Variants in TOP6BL observed in about 807,000 individuals in gnomAD.
TOP6BL encodes type 2 DNA topoisomerase 6 subunit B-like.
chr11:66,842,229 TCTC>T, the TOP6BL span, among the ~76,000 whole-genome samples: 3 of 152,230 alleles, frequency 2.0e-5, no homozygotes, highest in African/African-American at 7.2e-5. Flanking sequence ...AGCTCAGGTA[TCTC>T]CTCATGGAAA....
At chr11:66,752,672 C>T in the TOP6BL span, among the ~76,000 whole-genome samples, 1 of 151,892 alleles carries the variant, frequency 6.6e-6, no homozygotes, top group African/African-American at 2.4e-5. Flanking sequence ...CGGCTGGTCT[C>T]GAACTCCTGA....
chr11:66,747,028 C>T, the TOP6BL span, among the ~76,000 whole-genome samples: 1 of 152,052 alleles, frequency 6.6e-6, no homozygotes, highest in Non-Finnish European at 1.5e-5. Context: ...CCTCCACCTC[C>T]CGAGTTCAAG....
At chr11:66,751,248 G>A in the TOP6BL span, among the ~76,000 whole-genome samples, 2 of 152,154 alleles carry the variant, frequency 1.3e-5, no homozygotes, top group Non-Finnish European at 2.9e-5. Context: ...TTGGAGTGCA[G>A]TGGCGCCAGG....
the TOP6BL span, among the ~76,000 whole-genome samples, chr11:66,767,997 G>T: frequency 6.6e-6 from 1 of 152,118 alleles, no homozygotes; most frequent in African/African-American, 2.4e-5. Context: ...TCACCATGTT[G>T]CCCAAGCTGG....
chr11:66,768,174 G>C, the TOP6BL span, among the ~76,000 whole-genome samples: 1 of 152,008 alleles, frequency 6.6e-6, no homozygotes, highest in Non-Finnish European at 1.5e-5. Flanking sequence ...ATGGGTTAGA[G>C]AGATTGACAG....
At chr11:66,751,242 A>G in the TOP6BL span, among the ~76,000 whole-genome samples, 2 of 151,986 alleles carry the variant, frequency 1.3e-5, no homozygotes, top group Non-Finnish European at 2.9e-5. Context: ...ACCAGGTTGG[A>G]GTGCAGTGGC....
At chr11:66,838,317 G>A in the TOP6BL span, 3 of 1,533,364 alleles carry the variant, frequency 2.0e-6, no homozygotes, top group East Asian at 2.3e-5. Flanking sequence ...TTTCACTAGG[G>A]CTCGTTCATG....
At chr11:66,832,787 C>T in the TOP6BL span, among the ~76,000 whole-genome samples, 1 of 152,174 alleles carries the variant, frequency 6.6e-6, no homozygotes, top group African/African-American at 2.4e-5. Context: ...GGGATGCTGT[C>T]AGAAATTAAC....
chr11:66,824,420 T>TTTTTTA, the TOP6BL span, among the ~76,000 whole-genome samples: 32 of 140,752 alleles, frequency 2.3e-4, no homozygotes, highest in African/African-American at 5.3e-4. Flanking sequence ...TAATTTTGTA[T>TTTTTTA]TTATTATTAT....
At chr11:66,762,206 G>A in the TOP6BL span, 1 of 669,184 alleles carries the variant, frequency 1.5e-6, no homozygotes. Flanking sequence ...ACCCACAGCC[G>A]GAGGTGCAGG....
the TOP6BL span, among the ~76,000 whole-genome samples, chr11:66,789,279 C>T: frequency 1.3e-5 from 2 of 152,258 alleles, no homozygotes; most frequent in East Asian, 1.9e-4. Flanking sequence ...TTAGAGATCT[C>T]TTTATCGACT....
the TOP6BL span, among the ~76,000 whole-genome samples, chr11:66,818,024 G>A: frequency 3.9e-5 from 6 of 152,120 alleles, no homozygotes; most frequent in East Asian, 5.8e-4. Flanking sequence ...GGAAAGGTTC[G>A]TAAGCCTCCC....
At chr11:66,806,734 C>T in the TOP6BL span, among the ~76,000 whole-genome samples, 9 of 151,814 alleles carry the variant, frequency 5.9e-5, no homozygotes, top group South Asian at 6.2e-4. Flanking sequence ...CCAGCCTGGG[C>T]GACAGAGCAA....
At chr11:66,827,857 CGGGA>C in the TOP6BL span, among the ~76,000 whole-genome samples, 1 of 147,006 alleles carries the variant, frequency 6.8e-6, no homozygotes, top group Admixed American at 6.9e-5. Context: ...CCCAGCTACT[CGGGA>C]GGCTGAAGCA....
the TOP6BL span, among the ~76,000 whole-genome samples, chr11:66,834,556 A>G: frequency 6.6e-6 from 1 of 152,226 alleles, no homozygotes; most frequent in African/African-American, 2.4e-5. Flanking sequence ...CTTGAGTAAC[A>G]GGGAAGAAAA....
the TOP6BL span, among the ~76,000 whole-genome samples, chr11:66,840,918 C>T: frequency 2.2e-4 from 33 of 152,224 alleles, no homozygotes; most frequent in African/African-American, 7.7e-4. Context: ...TCAAGACTCT[C>T]AAATTGGTAT....
At chr11:66,745,018 A>C in the TOP6BL span, 1 of 1,172,334 alleles carries the variant, frequency 8.5e-7, no homozygotes, top group Middle Eastern at 2.4e-4. Flanking sequence ...GGCGTCGCCT[A>C]AGGTGAAGGA....
chr11:66,792,070 A>G, the TOP6BL span, among the ~76,000 whole-genome samples: 2 of 152,154 alleles, frequency 1.3e-5, no homozygotes, highest in African/African-American at 2.4e-5. Context: ...TCGGCTTCCT[A>G]AAGTGCTGGG....
the TOP6BL span, among the ~76,000 whole-genome samples, chr11:66,809,988 AG>A: frequency 6.6e-6 from 1 of 152,374 alleles, no homozygotes; most frequent in African/African-American, 2.4e-5. Context: ...AGAAATATGA[AG>A]AAAATTATAC....
Sources: gnomAD v4.1 joint callset for allele counts (sites outside exome capture counted in the v4.1 genomes callset) on GRCh38, gnomAD v4.1.1 for gene constraint, MANE v1.5 for transcripts, NCBI Gene and HGNC (gene_info 2026-07-23, HGNC 2026-07-21) for gene names.